DNAH11: variants seen among roughly 807,000 people sequenced by gnomAD.
DNAH11 encodes the protein axonemal beta dynein heavy chain 11.
In DNAH11, 442 loss-of-function variants were observed where a neutral mutation model predicts 526.0. The observed-to-expected ratio is 0.84, with a 90% CI of 0.78 to 0.91. The LOEUF (loss-of-function observed/expected upper bound fraction) is 0.91. DNAH11 is among the 40% of genes least tolerant of loss of function. The probability of loss-of-function intolerance (pLI) is 0.00; values close to 1 mark genes in which losing one functional copy is unlikely to be tolerated. For missense variants in DNAH11, 6,989 were observed against 5,448.7 expected (o/e 1.28, Z -8.90); for synonymous variants, 2,461 against 1,935.9 (o/e 1.27, Z -7.12).
rs139384679 is a variant in DNAH11 at position 21,800,660 on chromosome 7, C to T, written c.10027-477C>T. On this transcript the variant is annotated intron_variant, in intron 61 of 81. Coordinates refer to ENST00000409508, the MANE Select transcript of DNAH11 (RefSeq NM_001277115.2). ...AAATGAAAAAGAAAAATCCGATTGG[C>T]GAAGCTGGGTCTAAAGGGCTCAGTA... Among the ~76,000 whole-genome samples the T allele has an allele frequency of 5.7e-3, 868 of 152,102 alleles. 5 individuals are homozygous for T. Among genetic ancestry groups the T allele is most frequent in the African/African-American group, 0.02 (820 of 41,484 alleles).
intron 44 of DNAH11, among the ~76,000 whole-genome samples, chr7:21,724,445 G>A (rs1169936137): frequency 2.0e-5 from 3 of 152,206 alleles, no homozygotes; most frequent in African/African-American, 7.2e-5. Flanking sequence ...GTAAAAGCAA[G>A]TTTAAAAACT....
In DNAH11 at chr7:21,864,613, AGTCCC is replaced by A; in HGVS notation, c.11455_11459del (p.Pro3819Ter). 1 of 1,609,554 alleles carries A rather than the reference AGTCCC, an allele frequency of 6.2e-7. No individual in the cohort carries two copies. Among genetic ancestry groups the A allele is most frequent in the Non-Finnish European group, 8.5e-7 (1 of 1,177,732 alleles). On this transcript the variant is annotated frameshift_variant, in exon 70 of 82. Transcript: ENST00000409508. LOFTEE classifies it high-confidence loss of function. ...ATTCACAGTTGAACACACTCATCTG[AGTCCC>A]GTTGACTTCCTAACTTCTCAGTCAT...
intron 65 of DNAH11, among the ~76,000 whole-genome samples, chr7:21,830,049 A>G (rs1456072332): frequency 2.6e-5 from 4 of 152,224 alleles, no homozygotes; most frequent in Admixed American, 2.0e-4. Flanking sequence ...TGGGTTTTGA[A>G]TAAACATTGA....
intron 7 of DNAH11, 131 bp from the exon 8 acceptor site, chr7:21,571,675 A>C: frequency 1.5e-6 from 1 of 654,470 alleles, no homozygotes. Context: ...TGTCATGAAA[A>C]TATTTATTTT....
chr7:21,867,734 A>G (rs1288131991), intron 71 of DNAH11, 125 bp from the exon 72 acceptor site: 11 of 790,638 alleles, frequency 1.4e-5, no homozygotes, highest in Non-Finnish European at 2.2e-5. Context: ...TATTCTAACA[A>G]GACATCCCAT....
chr7:21,612,676 A>C (rs774251106), intron 20 of DNAH11, among the ~76,000 whole-genome samples: 23 of 152,110 alleles, frequency 1.5e-4, no homozygotes, highest in Admixed American at 6.6e-4. Context: ...AAGAATGAAC[A>C]CTCAAAAATT....
chr7:21,681,074 A>G (rs907709561), intron 30 of DNAH11, among the ~76,000 whole-genome samples: 2 of 152,078 alleles, frequency 1.3e-5, no homozygotes, highest in Non-Finnish European at 2.9e-5. Context: ...GTGAGGGGGT[A>G]ATAATATTGT....
chr7:21,896,352 C>T (rs1784516095), intron 79 of DNAH11, among the ~76,000 whole-genome samples: 1 of 152,150 alleles, frequency 6.6e-6, no homozygotes, highest in Non-Finnish European at 1.5e-5. Flanking sequence ...TGATAGTTTA[C>T]TTATACGTAG....
intron 32 of DNAH11, among the ~76,000 whole-genome samples, chr7:21,686,238 A>G (rs1783370080): frequency 6.6e-6 from 1 of 152,168 alleles, no homozygotes; most frequent in Non-Finnish European, 1.5e-5. Flanking sequence ...AGAGGAGAAA[A>G]CTGAGGTGTG....
At position 21,592,913 on chromosome 7, in the gene DNAH11, G is replaced by C. The variant is rs550230040; in HGVS notation, c.2667+1336G>C. 3.3e-5 allele frequency among the ~76,000 whole-genome samples: 5 copies of C among 152,312 alleles called. 1 individual carries two copies. In the South Asian group the frequency reaches 1.0e-3, roughly 32 times the overall value. ...AAAAAGGAGGTTTGGTTTTGGACAA[G>C]TTAGTTAGAGATGCTTGTCCTAAGG... is the stretch of plus-strand genomic sequence containing the variant. On this transcript the variant is annotated intron_variant, in intron 14 of 81. Coordinates refer to ENST00000409508, the MANE Select transcript of DNAH11 (RefSeq NM_001277115.2).
chr7:21,552,473 TC>T (rs1783058976), intron 2 of DNAH11, among the ~76,000 whole-genome samples: 1 of 152,216 alleles, frequency 6.6e-6, no homozygotes, highest in Non-Finnish European at 1.5e-5. Flanking sequence ...ATATTTAACT[TC>T]TTTTTCTACA....
At chr7:21,667,583 T>G (rs1353614102) in intron 30 of DNAH11, among the ~76,000 whole-genome samples, 4 of 151,850 alleles carry the variant, frequency 2.6e-5, no homozygotes, top group African/African-American at 9.7e-5. Flanking sequence ...GAGATGGAGG[T>G]AAGAGAAAAA....
chr7:21,731,929 T>A (rs1785405360), intron 45 of DNAH11, among the ~76,000 whole-genome samples: 1 of 152,222 alleles, frequency 6.6e-6, no homozygotes, highest in Non-Finnish European at 1.5e-5. Flanking sequence ...TGTTCTATTT[T>A]ACTGTTGTTA....
At chr7:21,829,073 A>T (rs1012955236) in intron 65 of DNAH11, among the ~76,000 whole-genome samples, 2 of 152,104 alleles carry the variant, frequency 1.3e-5, no homozygotes, top group African/African-American at 4.8e-5. Flanking sequence ...GTGGTTTGCT[A>T]CGTTTGCTAC....
intron 54 of DNAH11, among the ~76,000 whole-genome samples, chr7:21,751,547 T>A (rs998917309): frequency 1.3e-5 from 2 of 152,148 alleles, no homozygotes; most frequent in East Asian, 3.8e-4. Context: ...GTATGGAAAC[T>A]AGGAAAGCTG....
chr7:21,899,213 C>T (rs1386822700), intron 79 of DNAH11, 123 bp from the exon 80 acceptor site: 8 of 741,192 alleles, frequency 1.1e-5, no homozygotes, highest in Middle Eastern at 2.4e-4. Context: ...AAGGATTTTA[C>T]CAGCTAGCAG....
At chr7:21,600,209 C>G in intron 15 of DNAH11, 90 bp downstream of exon 15, 1 of 1,174,114 alleles carries the variant, frequency 8.5e-7, no homozygotes, top group Non-Finnish European at 1.1e-6. Flanking sequence ...CTGGGAATCC[C>G]AGAACTTTGG....
chr7:21,607,077 C>G (rs1002478419), intron 20 of DNAH11, among the ~76,000 whole-genome samples: 1 of 152,170 alleles, frequency 6.6e-6, no homozygotes, highest in Non-Finnish European at 1.5e-5. Context: ...GGAAGCCACT[C>G]TGAGTCTCAA....
At chr7:21,821,338 G>A (rs529774272) in intron 65 of DNAH11, among the ~76,000 whole-genome samples, 6 of 152,248 alleles carry the variant, frequency 3.9e-5, no homozygotes, top group East Asian at 3.9e-4. Flanking sequence ...GGTTGACCAC[G>A]TAGATTGGGG....
Sources: allele counts gnomAD v4.1 joint callset (sites outside exome capture counted in the v4.1 genomes callset), GRCh38; gene constraint gnomAD v4.1.1; transcripts MANE v1.5; gene names NCBI Gene and HGNC (gene_info 2026-07-23, HGNC 2026-07-21).